Variants in EPHA3 observed in about 807,000 individuals in gnomAD.
EPHA3 encodes EPH receptor A3.
In EPHA3, 42 loss-of-function variants were observed where a neutral mutation model predicts 107.1. That is an observed-to-expected ratio of 0.39 (90% confidence interval 0.31 to 0.51). The LOEUF (loss-of-function observed/expected upper bound fraction) is 0.51. Among genes scored for constraint, EPHA3 ranks in the 20% least tolerant of loss-of-function variants. The pLI is 0.78. For missense variants in EPHA3, 1,183 were observed against 1,211.2 expected, an observed-to-expected ratio of 0.98 and a Z score of 0.35; for synonymous variants, 461 against 424.8, an observed-to-expected ratio of 1.09 and a Z score of -1.05.
At chr3:89,443,126 A>G (rs1709815642) in intron 13 of EPHA3, among the ~76,000 whole-genome samples, 1 of 152,192 alleles carries the variant, frequency 6.6e-6, no homozygotes, top group Non-Finnish European at 1.5e-5. Flanking sequence ...TCATTCTACA[A>G]AGGGGTAACG....
At chr3:89,467,395 T>C (rs1710305325) in intron 15 of EPHA3, among the ~76,000 whole-genome samples, 1 of 152,190 alleles carries the variant, frequency 6.6e-6, no homozygotes, top group East Asian at 1.9e-4. Context: ...CCAATGTTAT[T>C]ACCTCCTTGT....
chr3:89,356,903 A>G (rs1707970760), intron 5 of EPHA3, among the ~76,000 whole-genome samples: 1 of 150,014 alleles, frequency 6.7e-6, no homozygotes, highest in South Asian at 2.1e-4. Context: ...AGGAGATCAA[A>G]ACCATCATGG....
rs869071728 is a variant in EPHA3 at position 89,480,310 on chromosome 3, T to TA, written c.*814dup. 4.3e-6 allele frequency: 1 copy of TA among 232,994 alleles called. No individual in the cohort carries two copies. The highest frequency in any genetic ancestry group is 8.5e-6 in the Non-Finnish European group (1 of 117,800). The allele number at this position is 232,994 out of a possible 1,614,324, so 14.4% of individuals were successfully genotyped here. On this transcript the variant is annotated 3_prime_UTR_variant, in exon 17 of 17. Coordinates refer to ENST00000336596, the MANE Select transcript of EPHA3 (RefSeq NM_005233.6). ...TGAACCATCCACTTACATATATTTTTAAAAAATGAAATCCTTTTCCTGTTC... is the reference window on the plus strand; with the variant it reads ...TGAACCATCCACTTACATATATTTTTAAAAAAATGAAATCCTTTTCCTGTTC...
intron 1 of EPHA3, among the ~76,000 whole-genome samples, chr3:89,116,058 G>A (rs1330189949): frequency 1.3e-5 from 2 of 152,186 alleles, no homozygotes; most frequent in Non-Finnish European, 2.9e-5. Context: ...GATTATCTGC[G>A]TGTGGGGGGG....
chr3:89,449,215 A>C lies in EPHA3; in HGVS notation c.2347-10A>C. 6.3e-7 allele frequency: 1 copy of C among 1,599,166 alleles called. No individual in the cohort carries two copies. Among genetic ancestry groups the C allele is most frequent in the Non-Finnish European group, 8.5e-7 (1 of 1,169,852 alleles). ...TGCTGATTTATGTAGACATGATTTT[A>C]TATTCAAAGGGAGGGAAGATCCCAA... On this transcript the variant is annotated splice_polypyrimidine_tract_variant and intron_variant, in intron 13 of 16. Coordinates refer to ENST00000336596, the MANE Select transcript of EPHA3 (RefSeq NM_005233.6).
chr3:89,330,004 A>G (rs1707251587), intron 3 of EPHA3, among the ~76,000 whole-genome samples: 1 of 152,040 alleles, frequency 6.6e-6, no homozygotes, highest in African/African-American at 2.4e-5. Context: ...ATGTTTCTAT[A>G]CAATTACAAA....
At chr3:89,228,308 T>G (rs1215722397) in intron 3 of EPHA3, among the ~76,000 whole-genome samples, 1 of 151,932 alleles carries the variant, frequency 6.6e-6, no homozygotes, top group Non-Finnish European at 1.5e-5. Flanking sequence ...GATGATATAG[T>G]GTTCCTTTGA....
chr3:89,143,788 T>G (rs1249859715), intron 2 of EPHA3, among the ~76,000 whole-genome samples: 1 of 151,638 alleles, frequency 6.6e-6, no homozygotes, highest in Non-Finnish European at 1.5e-5. Context: ...TTCCTTTTTC[T>G]GTTCCAGGAT....
chr3:89,253,308 C>A (rs924313233), intron 3 of EPHA3, among the ~76,000 whole-genome samples: 1 of 151,960 alleles, frequency 6.6e-6, no homozygotes, highest in African/African-American at 2.4e-5. Flanking sequence ...ATTTGGGAAA[C>A]TCTTGAGATT....
intron 3 of EPHA3, among the ~76,000 whole-genome samples, chr3:89,326,061 T>A (rs867932303): frequency 6.6e-6 from 1 of 151,156 alleles, no homozygotes; most frequent in South Asian, 2.1e-4. Flanking sequence ...AAGTCCTTTT[T>A]TTCTGGTTTT....
In EPHA3 at chr3:89,351,128, A is replaced by G. The variant is rs937913398; in HGVS notation, c.1306+9038A>G. 3.0e-4 allele frequency among the ~76,000 whole-genome samples: 45 copies of G among 151,120 alleles called. 1 individual carries two copies. Among genetic ancestry groups the G allele is most frequent in the East Asian group, 2.5e-3 (13 of 5,114 alleles). ...TACAGTGGCAGGCAGGACTCCTTGA[A>G]CTGTGGTGGGCTCCACCCAGTTCGA... On this transcript the variant is annotated intron_variant, in intron 5 of 16. Transcript: ENST00000336596.
At chr3:89,248,907 G>C (rs951330650) in intron 3 of EPHA3, among the ~76,000 whole-genome samples, 1 of 152,230 alleles carries the variant, frequency 6.6e-6, no homozygotes, top group African/African-American at 2.4e-5. Flanking sequence ...CTTCTGAACA[G>C]AGAGAATAAG....
At chr3:89,293,699 G>A (rs542970219) in intron 3 of EPHA3, among the ~76,000 whole-genome samples, 15 of 152,150 alleles carry the variant, frequency 9.9e-5, no homozygotes, top group Non-Finnish European at 2.2e-4. Context: ...CTTTTCTGCT[G>A]CCATATAAGA....
intron 2 of EPHA3, among the ~76,000 whole-genome samples, chr3:89,130,682 T>C (rs1704187607): frequency 1.3e-5 from 2 of 151,726 alleles, no homozygotes; most frequent in Admixed American, 1.3e-4. Flanking sequence ...TCACCCAGGC[T>C]GGAGCGCTGT....
chr3:89,239,241 G>A (rs868434039), intron 3 of EPHA3, among the ~76,000 whole-genome samples: 1 of 152,152 alleles, frequency 6.6e-6, no homozygotes, highest in African/African-American at 2.4e-5. Context: ...AGTAAATGCT[G>A]TCTTACCATG....
At chr3:89,151,991 A>G (rs1004882154) in intron 2 of EPHA3, among the ~76,000 whole-genome samples, 5 of 151,920 alleles carry the variant, frequency 3.3e-5, no homozygotes, top group Admixed American at 3.3e-4. Flanking sequence ...TAAATTACAG[A>G]TTTTCCACAT....
At chr3:89,295,304 A>G (rs541488024) in intron 3 of EPHA3, among the ~76,000 whole-genome samples, 3 of 152,268 alleles carry the variant, frequency 2.0e-5, no homozygotes, top group Non-Finnish European at 4.4e-5. Context: ...TTAGTGAGTT[A>G]TAATCTTTTT....
At chr3:89,115,821 T>C (rs1220206994) in intron 1 of EPHA3, among the ~76,000 whole-genome samples, 1 of 152,180 alleles carries the variant, frequency 6.6e-6, no homozygotes, top group Non-Finnish European at 1.5e-5. Flanking sequence ...CTTTGTCTTT[T>C]GATTTTAACC....
intron 2 of EPHA3, among the ~76,000 whole-genome samples, chr3:89,154,957 A>G (rs1006896046): frequency 2.7e-5 from 4 of 149,750 alleles, no homozygotes; most frequent in African/African-American, 7.3e-5. Context: ...CATTAGAAAC[A>G]TAATTCTGTT....
Sources: gnomAD v4.1 joint callset for allele counts (sites outside exome capture counted in the v4.1 genomes callset) on GRCh38, gnomAD v4.1.1 for gene constraint, MANE v1.5 for transcripts, NCBI Gene and HGNC (gene_info 2026-07-23, HGNC 2026-07-21) for gene names.